Variants in PSD2 observed in about 807,000 individuals in gnomAD.
The protein encoded by PSD2 is pleckstrin and Sec7 domain containing 2.
Under a neutral mutation model 69.8 loss-of-function variants are expected in PSD2, and 38 were observed. The observed-to-expected ratio is 0.54, with a 90% confidence interval of 0.42 to 0.71. The LOEUF (loss-of-function observed/expected upper bound fraction) is 0.71. Among genes scored for constraint, PSD2 ranks in the 30% least tolerant of loss-of-function variants. The probability of loss-of-function intolerance (pLI) is 0.00; values close to 1 mark genes in which losing one functional copy is unlikely to be tolerated. For missense variants in PSD2, 943 were observed against 1,014.5 expected (o/e 0.93, Z 0.96); for synonymous variants, 412 against 423.0 (o/e 0.97, Z 0.32).
At chr5:139,753,211 C>T in the PSD2 span, among the ~76,000 whole-genome samples, 122,245 of 152,154 alleles carry the variant, frequency 0.8, 50,618 homozygotes, top group East Asian at 0.9. Context: ...TGAGCTGCAG[C>T]GCGAGAAACG....
chr5:139,842,293 T>G lies in PSD2; in HGVS notation c.2135T>G (p.Ile712Ser). Reference sequence around the variant, plus strand: ...CAGAAAAGCCGTTATGAGACCTATATCCACCTCCTGGCTATGAAAATCAAA... The same window carrying G: ...CAGAAAAGCCGTTATGAGACCTATAGCCACCTCCTGGCTATGAAAATCAAA... ...TFEKSRYETY[I>S]HLLAMKIKVG... Residue 712 changes from isoleucine (I) to serine (S), a missense_variant, in exon 15 of 15, where the codon ATC becomes AGC. Physicochemically the swap from Ile to Ser is moderately radical, Grantham distance 142. Coordinates refer to ENST00000274710, the MANE Select transcript of PSD2 (RefSeq NM_032289.4). 1 of 1,614,250 alleles carries G rather than the reference T, an allele frequency of 6.2e-7. No individual in the cohort carries two copies. Among genetic ancestry groups the G allele is most frequent in the South Asian group, 1.1e-5 (1 of 91,082 alleles).
chr5:139,761,040 C>T, the PSD2 span, among the ~76,000 whole-genome samples: 1 of 152,098 alleles, frequency 6.6e-6, no homozygotes, highest in Non-Finnish European at 1.5e-5. Flanking sequence ...GAAATACAGT[C>T]CTTATCCCCA....
chr5:139,816,245 T>C (rs1400409554), intron 4 of PSD2, among the ~76,000 whole-genome samples: 2 of 152,228 alleles, frequency 1.3e-5, no homozygotes, highest in Middle Eastern at 3.2e-3. Context: ...TACATAATCA[T>C]GATTCTATTA....
In PSD2 at chr5:139,795,900, G is replaced by C. The variant is rs1162483765; in HGVS notation, c.-126G>C. ...GCGGGCAGCTCCGACCGGCGGCGGC[G>C]GGGCGGGACAGGCAGCCCGGCGGCC... is the stretch of plus-strand genomic sequence containing the variant. On this transcript the variant is annotated 5_prime_UTR_variant, in exon 1 of 15. Coordinates refer to ENST00000274710, the MANE Select transcript of PSD2 (RefSeq NM_032289.4). The surrounding 1 kb of genome is among the most constrained non-coding windows in gnomAD (Gnocchi z 4.5). 3.3e-5 allele frequency: 5 copies of C among 150,402 alleles called. No homozygotes were observed. Among genetic ancestry groups the C allele is most frequent in the Admixed American group, 2.6e-4 (4 of 15,112 alleles). 9.3% of individuals were successfully genotyped at this position (150,402 alleles called of 1,614,324 possible).
intron 4 of PSD2, among the ~76,000 whole-genome samples, chr5:139,815,302 G>A (rs1435956252): frequency 1.3e-5 from 2 of 152,068 alleles, no homozygotes; most frequent in Non-Finnish European, 2.9e-5. Context: ...GTTCTGCTAG[G>A]CTGGACCCCC....
rs772725108 is a variant in PSD2, at chr5:139,842,492, A to T, written c.*18A>T. ...ATACTTAGCTGACATGGATTTGCAG[A>T]CCCCAGGGTGGGCAGATGTCTCCAG... On this transcript the variant is annotated 3_prime_UTR_variant, in exon 15 of 15. Transcript: ENST00000274710. 1 of 1,607,310 alleles carries T rather than the reference A, an allele frequency of 6.2e-7. No individual in the cohort carries two copies. Among genetic ancestry groups the T allele is most frequent in the Non-Finnish European group, 8.5e-7 (1 of 1,175,158 alleles).
intron 7 of PSD2, among the ~76,000 whole-genome samples, chr5:139,830,559 TTCCTTC>T (rs1561605173): frequency 1.6e-4 from 22 of 139,130 alleles, no homozygotes; most frequent in African/African-American, 5.4e-4. Flanking sequence ...CCTTCCTTCC[TTCCTTC>T]CTTTCTTTCT....
chr5:139,800,626 G>T (rs540639799), intron 1 of PSD2, among the ~76,000 whole-genome samples: 74 of 152,324 alleles, frequency 4.9e-4, no homozygotes, highest in African/African-American at 1.8e-3. Context: ...CTTCCTTTCA[G>T]CGGATAATCT....
chr5:139,820,636 C>T (rs1010995004), intron 5 of PSD2, among the ~76,000 whole-genome samples: 1 of 152,124 alleles, frequency 6.6e-6, no homozygotes, highest in Non-Finnish European at 1.5e-5. Flanking sequence ...AGGAAAAAAC[C>T]ATCTTCTGAA....
chr5:139,818,714 C>T (rs963663270), intron 5 of PSD2, among the ~76,000 whole-genome samples: 2 of 152,062 alleles, frequency 1.3e-5, no homozygotes, highest in Non-Finnish European at 2.9e-5. Flanking sequence ...TTGCAATTTT[C>T]TGAATTGCAA....
chr5:139,832,953 G>A (rs1389445396), intron 7 of PSD2, among the ~76,000 whole-genome samples: 10 of 152,146 alleles, frequency 6.6e-5, no homozygotes, highest in Admixed American at 5.9e-4. Flanking sequence ...CTACCTCTGA[G>A]TGTGAAACCA....
chr5:139,838,541 C>A, intron 12 of PSD2, 87 bp from the exon 13 acceptor site: 1 of 1,468,694 alleles, frequency 6.8e-7, no homozygotes, highest in Non-Finnish European at 9.4e-7. Flanking sequence ...TTCTCAGTGC[C>A]AGGCCCAGTG....
chr5:139,754,378 G>A, the PSD2 span, among the ~76,000 whole-genome samples: 1 of 152,096 alleles, frequency 6.6e-6, no homozygotes, highest in African/African-American at 2.4e-5. Context: ...ACCAGCCTGG[G>A]CAACATGGTG....
the PSD2 span, among the ~76,000 whole-genome samples, chr5:139,754,531 T>C: frequency 2.9e-5 from 1 of 34,620 alleles, no homozygotes; most frequent in Non-Finnish European, 6.8e-5. Context: ...TTGTCTCTAC[T>C]AAAAATACAA....
the PSD2 span, among the ~76,000 whole-genome samples, chr5:139,748,209 C>A: frequency 1.3e-5 from 2 of 151,494 alleles, no homozygotes; most frequent in East Asian, 1.9e-4. Flanking sequence ...ACCTACCCAG[C>A]CAGACACGGT....
At chr5:139,788,444 C>G in the PSD2 span, among the ~76,000 whole-genome samples, 2,789 of 152,352 alleles carry the variant, frequency 0.018, 95 homozygotes, top group African/African-American at 0.064. Flanking sequence ...GGTGATGGCA[C>G]GGACTGGCCA....
At chr5:139,835,846 T>G in intron 9 of PSD2, 80 bp downstream of exon 9, 3 of 1,354,986 alleles carry the variant, frequency 2.2e-6, no homozygotes, top group Non-Finnish European at 3.2e-6. Flanking sequence ...TCCGACATTC[T>G]GACCACTCTC....
At chr5:139,821,837 G>T (rs867627833) in intron 5 of PSD2, 56 bp from the exon 6 acceptor site, 1 of 1,039,008 alleles carries the variant, frequency 9.6e-7, no homozygotes, top group African/African-American at 1.6e-5. Context: ...GTGGGGGGTG[G>T]TCTTACCCTG....
the PSD2 span, among the ~76,000 whole-genome samples, chr5:139,783,899 C>G: frequency 2.7e-5 from 4 of 150,180 alleles, no homozygotes; most frequent in African/African-American, 9.9e-5. Context: ...TTTCTCAGTC[C>G]CTCTTCTTGT....
Sources: allele counts gnomAD v4.1 joint callset (sites outside exome capture counted in the v4.1 genomes callset), GRCh38; gene constraint gnomAD v4.1.1; non-coding constraint Gnocchi (gnomAD v3.1); transcripts MANE v1.5; gene names NCBI Gene and HGNC (gene_info 2026-07-23, HGNC 2026-07-21).